The following ZNF141 variants were observed in gnomAD, a reference collection of about 807,000 sequenced individuals.
The protein encoded by ZNF141 is zinc finger protein 141 (clone pHZ-44).
In ZNF141, 7 loss-of-function variants were observed where a neutral mutation model predicts 11.3. That is an observed-to-expected ratio of 0.62 (90% CI 0.35 to 1.16). The LOEUF is 1.16. Ranked by LOEUF, ZNF141 falls within the 50% of genes most tolerant of loss-of-function variation. ZNF141 has a pLI of 0.02. For synonymous variants in ZNF141, 183 were observed against 190.7 expected (o/e 0.96, Z 0.33); for missense variants, 535 against 554.0 (o/e 0.97, Z 0.34).
At chr4:360,759 A>G (rs1288640930) in intron 3 of ZNF141, among the ~76,000 whole-genome samples, 1 of 152,190 alleles carries the variant, frequency 6.6e-6, no homozygotes, top group Admixed American at 6.5e-5. Flanking sequence ...TTGCCTATAA[A>G]AGTTATCTAT....
intron 3 of ZNF141, among the ~76,000 whole-genome samples, chr4:360,799 G>A (rs1722070522): frequency 6.6e-6 from 1 of 152,000 alleles, no homozygotes; most frequent in Non-Finnish European, 1.5e-5. Context: ...ATCACTTTGG[G>A]CAAATTTTAA....
In ZNF141 at chr4:346,893, A is replaced by ACCCCCC. The variant is rs781896435; in HGVS notation, c.226+2465_226+2466insCCCCCC. ...TATATATGTATACACACACACACAC[A>ACCCCCC]CCGCCCCCCCCATATATTGGCTACT... On this transcript the variant is annotated intron_variant, in intron 3 of 3. Coordinates refer to ENST00000240499, the MANE Select transcript of ZNF141 (RefSeq NM_003441.4). Among the ~76,000 whole-genome samples the ACCCCCC allele has an allele frequency of 8.7e-4, 118 of 135,414 alleles. 13 individuals are homozygous for ACCCCCC. The highest frequency in any genetic ancestry group is 3.1e-3 in the African/African-American group (98 of 31,318). 88.8% of individuals were successfully genotyped at this position (135,414 alleles called of 152,430 possible).
At chr4:355,106 G>A (rs544137990) in intron 3 of ZNF141, among the ~76,000 whole-genome samples, 13 of 151,276 alleles carry the variant, frequency 8.6e-5, no homozygotes, top group South Asian at 6.3e-4. Flanking sequence ...ATTTTTAATC[G>A]TTATATTCTT....
chr4:346,694 CCTAT>C (rs1463554586), intron 3 of ZNF141, among the ~76,000 whole-genome samples: 11 of 152,128 alleles, frequency 7.2e-5, no homozygotes, highest in African/African-American at 2.7e-4. Flanking sequence ...TTTTAGATTT[CCTAT>C]CTAACTGAGA....
intron 3 of ZNF141, among the ~76,000 whole-genome samples, chr4:351,911 T>A (rs1721622207): frequency 6.6e-6 from 1 of 152,106 alleles, no homozygotes; most frequent in African/African-American, 2.4e-5. Flanking sequence ...AGGGTGTAAT[T>A]GTTATTGTCA....
Position 337,889 on chromosome 4 carries a change from G to A in ZNF141, c.-95G>A. The A allele has an allele frequency of 9.1e-6, 13 of 1,421,500 alleles. No homozygotes were observed. Among genetic ancestry groups the A allele is most frequent in the Non-Finnish European group, 1.2e-5 (13 of 1,069,536 alleles). 88.1% of individuals were successfully genotyped at this position (1,421,500 alleles called of 1,614,324 possible). ...TGCGTTCTCAGTTGTGGGAGGCCTT[G>A]GTGATTCGGCCACAGCTCAGCCTCC... is the stretch of plus-strand genomic sequence containing the variant. On this transcript the variant is annotated 5_prime_UTR_variant, in exon 1 of 4. Coordinates refer to ENST00000240499, the MANE Select transcript of ZNF141 (RefSeq NM_003441.4).
At chr4:341,725 C>G (rs1721061623) in intron 1 of ZNF141, among the ~76,000 whole-genome samples, 1 of 152,324 alleles carries the variant, frequency 6.6e-6, no homozygotes, top group African/African-American at 2.4e-5. Flanking sequence ...TGAGCCAACA[C>G]TGAAATCTCT....
chr4:383,950 T>G lies in ZNF141; in HGVS notation c.*10088T>G, dbSNP rs1712790042. 2 of 152,332 alleles carry G rather than the reference T, an allele frequency of 1.3e-5. No individual in the cohort carries two copies. The highest frequency in any genetic ancestry group is 6.5e-5 in the Admixed American group (1 of 15,288). 9.4% of individuals were successfully genotyped at this position (152,332 alleles called of 1,614,324 possible). ...CACCCTGTAGAGTGCTTTCTCACTT[T>G]AATAAAATCTTGCTTTTGCTATTCC... On this transcript the variant is annotated 3_prime_UTR_variant, in exon 4 of 4. Coordinates refer to ENST00000240499, the MANE Select transcript of ZNF141 (RefSeq NM_003441.4).
chr4:363,371 C>T (rs183657965), intron 3 of ZNF141, among the ~76,000 whole-genome samples: 332 of 152,262 alleles, frequency 2.2e-3, no homozygotes, highest in Admixed American at 4.0e-3. Flanking sequence ...TATTTCTTTT[C>T]TCCTGCATGA....
chr4:354,807 G>T (rs1721770704), intron 3 of ZNF141, among the ~76,000 whole-genome samples: 1 of 152,098 alleles, frequency 6.6e-6, no homozygotes, highest in East Asian at 1.9e-4. Flanking sequence ...TTGTTCAGAA[G>T]CATGTTGTTT....
rs1044955971 is a variant in ZNF141, at chr4:380,903, A to G, written c.*7041A>G. On this transcript the variant is annotated 3_prime_UTR_variant, in exon 4 of 4. Transcript: ENST00000240499. ...ATGTTGTCATATATGTGTGTGCAAA[A>G]CGTATAAAATATACAGAAAAGAGAA... 3.9e-5 allele frequency among the ~76,000 whole-genome samples: 6 copies of G among 152,198 alleles called. No homozygotes were observed. Among genetic ancestry groups the G allele is most frequent in the Non-Finnish European group, 7.3e-5 (5 of 68,034 alleles).
chr4:338,830 G>T lies in ZNF141; in HGVS notation c.3+844G>T, dbSNP rs373478691. The stretch of plus-strand genomic sequence containing the variant: ...GCCCGTTGGGGTCGGAGCATTGACT[G>T]GTGTTGAGCAAACTCCTCACGTTTC... On this transcript the variant is annotated intron_variant, in intron 1 of 3. Transcript: ENST00000240499. Among the ~76,000 whole-genome samples, 14 of 152,308 alleles carry T rather than the reference G, an allele frequency of 9.2e-5. No individual in the cohort carries two copies. The East Asian group carries it at 1.9e-3, about 21-fold the overall frequency.
chr4:362,471 G>A (rs1179068602), intron 3 of ZNF141, among the ~76,000 whole-genome samples: 1 of 152,142 alleles, frequency 6.6e-6, no homozygotes, highest in Non-Finnish European at 1.5e-5. Context: ...TGTCCTAAAT[G>A]GTATTGCCTA....
chr4:342,907 A>G, intron 1 of ZNF141: 1 of 1,593,292 alleles, frequency 6.3e-7, no homozygotes, highest in East Asian at 2.2e-5. Context: ...CAAAAGCTTC[A>G]GCATTTCCTT....
chr4:371,688 C>T (rs1712073274), intron 3 of ZNF141, among the ~76,000 whole-genome samples: 1 of 151,958 alleles, frequency 6.6e-6, no homozygotes, highest in Non-Finnish European at 1.5e-5. Context: ...TACAGGCACC[C>T]ATCACCACGT....
Position 378,452 on chromosome 4 carries a change from T to G in ZNF141, c.*4590T>G, listed in dbSNP as rs1712469130. Reference sequence around the variant, plus strand: ...GCCCAGTTAATTTTTATATTTTTAGTAGAGATGGGGTTTCACCATGTTGGC... The same window carrying G: ...GCCCAGTTAATTTTTATATTTTTAGGAGAGATGGGGTTTCACCATGTTGGC... On this transcript the variant is annotated 3_prime_UTR_variant, in exon 4 of 4. Coordinates refer to ENST00000240499, the MANE Select transcript of ZNF141 (RefSeq NM_003441.4). 6.6e-6 allele frequency among the ~76,000 whole-genome samples: 1 copy of G among 151,964 alleles called. No homozygotes were observed. Among genetic ancestry groups the G allele is most frequent in the Non-Finnish European group, 1.5e-5 (1 of 67,980 alleles).
At chr4:362,095 T>G (rs1481042940) in intron 3 of ZNF141, among the ~76,000 whole-genome samples, 2 of 152,244 alleles carry the variant, frequency 1.3e-5, no homozygotes, top group African/African-American at 4.8e-5. Context: ...TGGTATCTCA[T>G]TGTAGTTTTG....
In ZNF141 at chr4:379,079, G is replaced by A. The variant is rs893592841; in HGVS notation, c.*5217G>A. ...AGGCTGGTCTCGAGCTCCTGTCCTC[G>A]TGATCCACGCACGTCAGCCTCCCAA... On this transcript the variant is annotated 3_prime_UTR_variant, in exon 4 of 4. Coordinates refer to ENST00000240499, the MANE Select transcript of ZNF141 (RefSeq NM_003441.4). Among the ~76,000 whole-genome samples the A allele has an allele frequency of 6.6e-6, 1 of 151,934 alleles. No homozygotes were observed. Among genetic ancestry groups the A allele is most frequent in the African/African-American group, 2.4e-5 (1 of 41,380 alleles).
At chr4:352,850 A>C (rs1457645180) in intron 3 of ZNF141, among the ~76,000 whole-genome samples, 1 of 152,056 alleles carries the variant, frequency 6.6e-6, no homozygotes, top group African/African-American at 2.4e-5. Context: ...ATTAAATTTG[A>C]GGGAGGGAGT....
Sources: gnomAD v4.1 joint callset for allele counts (sites outside exome capture counted in the v4.1 genomes callset) on GRCh38, gnomAD v4.1.1 for gene constraint, MANE v1.5 for transcripts, NCBI Gene and HGNC (gene_info 2026-07-23, HGNC 2026-07-21) for gene names.